DLG2: variants seen among roughly 807,000 people sequenced by gnomAD.
DLG2 encodes discs large MAGUK scaffold protein 2.
DLG2 carries 45 observed loss-of-function variants against 132.5 expected under a neutral mutation model. The observed-to-expected ratio is 0.34, with a 90% CI of 0.27 to 0.44. The LOEUF (loss-of-function observed/expected upper bound fraction) is 0.44. Ranked by LOEUF, DLG2 falls within the 20% of genes least tolerant of loss-of-function variation. DLG2 has a pLI of 1.00. For missense variants in DLG2, 1,045 were observed against 1,196.9 expected (o/e 0.87, Z 1.87); for synonymous variants, 424 against 419.6 (o/e 1.01, Z -0.13).
intron 19 of DLG2, among the ~76,000 whole-genome samples, chr11:83,586,299 T>C (rs1290781489): frequency 1.3e-5 from 2 of 152,244 alleles, no homozygotes; most frequent in African/African-American, 4.8e-5. Context: ...GAGAATCTTT[T>C]TGTGTTCTAT....
At chr11:83,585,502 T>C (rs1001154740) in intron 19 of DLG2, among the ~76,000 whole-genome samples, 5 of 152,214 alleles carry the variant, frequency 3.3e-5, no homozygotes, top group East Asian at 1.9e-4. Flanking sequence ...TCCTATGATG[T>C]AGTACAAAAT....
chr11:84,669,523 A>T (rs1308829658), intron 6 of DLG2, among the ~76,000 whole-genome samples: 7 of 151,976 alleles, frequency 4.6e-5, no homozygotes, highest in Non-Finnish European at 7.4e-5. Flanking sequence ...GCATTCATAA[A>T]CTCCTTCACT....
At chr11:84,010,292 T>C (rs1232494682) in intron 11 of DLG2, among the ~76,000 whole-genome samples, 1 of 111,722 alleles carries the variant, frequency 9.0e-6, no homozygotes, top group African/African-American at 2.9e-5. Context: ...GCATTTTAAT[T>C]GTATTATTAT....
At chr11:85,615,520 A>G (rs947390448) in intron 2 of DLG2, among the ~76,000 whole-genome samples, 2 of 152,218 alleles carry the variant, frequency 1.3e-5, no homozygotes, top group African/African-American at 4.8e-5. Flanking sequence ...CCATCTCAAA[A>G]AAAAAAGATT....
chr11:85,501,418 T>C (rs775187384), intron 3 of DLG2, among the ~76,000 whole-genome samples: 10 of 151,904 alleles, frequency 6.6e-5, no homozygotes, highest in Admixed American at 5.9e-4. Context: ...ACTAGACAAA[T>C]GGGATCTAAT....
chr11:85,459,818 T>G (rs2092546746), intron 3 of DLG2, among the ~76,000 whole-genome samples: 3 of 152,108 alleles, frequency 2.0e-5, no homozygotes, highest in Admixed American at 6.5e-5. Context: ...ATGTTCAGGT[T>G]GAAGCAAGTT....
chr11:84,876,223 A>G (rs1445850186), intron 6 of DLG2, among the ~76,000 whole-genome samples: 1 of 152,140 alleles, frequency 6.6e-6, no homozygotes, highest in Non-Finnish European at 1.5e-5. Flanking sequence ...TTGGCTGATA[A>G]GAAATAAATT....
chr11:83,737,980 T>C (rs923228232), intron 18 of DLG2, among the ~76,000 whole-genome samples: 1 of 152,044 alleles, frequency 6.6e-6, no homozygotes, highest in Non-Finnish European at 1.5e-5. Context: ...CTCTCCTCCC[T>C]CTCCTCTCAG....
At chr11:84,905,804 T>C (rs1482178652) in intron 6 of DLG2, among the ~76,000 whole-genome samples, 1 of 152,222 alleles carries the variant, frequency 6.6e-6, no homozygotes, top group Non-Finnish European at 1.5e-5. Flanking sequence ...CTCTTTCTTT[T>C]TCTTATTATT....
intron 10 of DLG2, among the ~76,000 whole-genome samples, chr11:84,085,120 T>C (rs2187553): frequency 0.035 from 5,305 of 152,342 alleles, 143 homozygotes; most frequent in Non-Finnish European, 0.055. Flanking sequence ...GGCTTGATGC[T>C]TGTGCAAAGC....
rs575548731 is a variant in DLG2, at chr11:83,743,364, C to G, written c.1825+43326G>C. 1.3e-4 allele frequency among the ~76,000 whole-genome samples: 20 copies of G among 150,624 alleles called. No homozygotes were observed. The South Asian group carries it at 4.2e-3, about 32-fold the overall frequency. On this transcript the variant is annotated intron_variant, in intron 18 of 27. Transcript: ENST00000376104. ...TCTTCTTTTTCTATGCCCTAAGCACCCTACTTTATATCTCTGTCTCTTTCT... is the reference window on the plus strand; with the variant it reads ...TCTTCTTTTTCTATGCCCTAAGCACGCTACTTTATATCTCTGTCTCTTTCT...
chr11:84,534,810 C>T, intron 6 of DLG2, 79 bp from the exon 7 acceptor site: 2 of 1,500,250 alleles, frequency 1.3e-6, no homozygotes, highest in Non-Finnish European at 1.8e-6. Context: ...CATATTCTAA[C>T]TTCATCAATA....
At chr11:84,002,570 G>C (rs1250508116) in intron 11 of DLG2, among the ~76,000 whole-genome samples, 1 of 152,138 alleles carries the variant, frequency 6.6e-6, no homozygotes, top group African/African-American at 2.4e-5. Flanking sequence ...AAGGCTTGGG[G>C]CTTGCATACT....
intron 18 of DLG2, among the ~76,000 whole-genome samples, chr11:83,707,551 C>T (rs909114080): frequency 6.6e-6 from 1 of 152,130 alleles, no homozygotes; most frequent in African/African-American, 2.4e-5. Flanking sequence ...CATGCCTGTA[C>T]TCCCAGCTAC....
At chr11:85,412,760 C>CACACAG (rs756868795) in intron 3 of DLG2, among the ~76,000 whole-genome samples, 1 of 113,244 alleles carries the variant, frequency 8.8e-6, no homozygotes, top group Admixed American at 9.2e-5. Flanking sequence ...CACACACACA[C>CACACAG]ATATATATAT....
At chr11:85,056,047 T>C (rs2063421327) in intron 6 of DLG2, among the ~76,000 whole-genome samples, 1 of 152,162 alleles carries the variant, frequency 6.6e-6, no homozygotes, top group African/African-American at 2.4e-5. Context: ...ACATTCAGAT[T>C]ATCTACAATT....
At chr11:85,052,621 T>C (rs890030460) in intron 6 of DLG2, among the ~76,000 whole-genome samples, 1 of 152,218 alleles carries the variant, frequency 6.6e-6, no homozygotes, top group African/African-American at 2.4e-5. Flanking sequence ...ATGACTGATA[T>C]AAGCACTAGA....
intron 7 of DLG2, among the ~76,000 whole-genome samples, chr11:84,255,684 A>G (rs1263205232): frequency 6.6e-6 from 1 of 152,044 alleles, no homozygotes; most frequent in Non-Finnish European, 1.5e-5. Flanking sequence ...CAAACTGGTG[A>G]CTCAGCAGAT....
chr11:85,436,445 A>T (rs1156906919), intron 3 of DLG2, among the ~76,000 whole-genome samples: 3 of 152,184 alleles, frequency 2.0e-5, no homozygotes, highest in Non-Finnish European at 4.4e-5. Flanking sequence ...TGTACAAGGA[A>T]CTTAAACAAA....
Sources: gnomAD v4.1 joint callset for allele counts (sites outside exome capture counted in the v4.1 genomes callset) on GRCh38, gnomAD v4.1.1 for gene constraint, MANE v1.5 for transcripts, NCBI Gene and HGNC (gene_info 2026-07-23, HGNC 2026-07-21) for gene names.